MTPN: variants seen among roughly 807,000 people sequenced by gnomAD.
The protein encoded by MTPN is myotrophin.
Under a neutral mutation model 13.5 loss-of-function variants are expected in MTPN, and 2 were observed. The observed-to-expected ratio is 0.15, with a 90% confidence interval of 0.06 to 0.47. MTPN has a LOEUF of 0.47. MTPN is among the 20% of genes least tolerant of loss of function. The pLI, the probability that MTPN is intolerant of heterozygous loss-of-function variation, is 0.97. For synonymous variants in MTPN, 46 were observed against 51.7 expected (o/e 0.89, Z 0.48); for missense variants, 79 against 137.9 (o/e 0.57, Z 2.14).
At chr7:135,975,684 G>T (rs549579086) in intron 1 of MTPN, among the ~76,000 whole-genome samples, 1 of 152,152 alleles carries the variant, frequency 6.6e-6, no homozygotes, top group African/African-American at 2.4e-5. Flanking sequence ...CCCACCACTG[G>T]TAAGTGTACC....
intron 3 of MTPN, among the ~76,000 whole-genome samples, chr7:135,933,117 A>AAAAAAAAAAAC: frequency 6.6e-6 from 1 of 151,092 alleles, no homozygotes; most frequent in Non-Finnish European, 1.5e-5. Flanking sequence ...AAAAAAAAAA[A>AAAAAAAAAAAC]AAAAAGATGA....
In MTPN at chr7:135,928,865, G is replaced by A. The variant is rs568397305; in HGVS notation, c.*1061C>T. 4 of 167,182 alleles carry A rather than the reference G, an allele frequency of 2.4e-5. No individual in the cohort carries two copies. Among genetic ancestry groups the A allele is most frequent in the African/African-American group, 7.2e-5 (3 of 41,586 alleles). The allele number at this position is 167,182 out of a possible 1,614,324, so 10.4% of individuals were successfully genotyped here. The stretch of plus-strand genomic sequence containing the variant: ...AACTCTGGGAAACCTGGTTACAAGT[G>A]TATTTTTGAAGGGATGGGGCTAAAT... On this transcript the variant is annotated 3_prime_UTR_variant, in exon 4 of 4. Coordinates refer to ENST00000393085, the MANE Select transcript of MTPN (RefSeq NM_145808.4).
intron 1 of MTPN, chr7:135,960,896 G>A (rs1406115025): frequency 2.6e-5 from 4 of 151,780 alleles, no homozygotes; most frequent in African/African-American, 9.7e-5. Flanking sequence ...AAAGACATGG[G>A]CTCAATAAGT....
At chr7:135,940,268 T>C (rs954073480) in intron 3 of MTPN, among the ~76,000 whole-genome samples, 3 of 152,206 alleles carry the variant, frequency 2.0e-5, no homozygotes, top group African/African-American at 7.2e-5. Context: ...ATGGATTTGG[T>C]ATTTAGTGAC....
Position 135,956,732 on chromosome 7 carries a change from C to T in MTPN, c.73-5102G>A, listed in dbSNP as rs187834413. On this transcript the variant is annotated intron_variant, in intron 1 of 3. Coordinates refer to ENST00000393085, the MANE Select transcript of MTPN (RefSeq NM_145808.4). ...GGAAAACTTCATGTTTCTTTCTTTT[C>T]TTGACTGTGTTTTCAACCTTTCCTG... is the stretch of plus-strand genomic sequence containing the variant. Among the ~76,000 whole-genome samples the T allele has an allele frequency of 4.8e-3, 729 of 152,134 alleles. 4 individuals are homozygous for T. Among genetic ancestry groups the T allele is most frequent in the Non-Finnish European group, 6.3e-3 (430 of 68,004 alleles).
intron 2 of MTPN, among the ~76,000 whole-genome samples, 165 bp from the exon 3 acceptor site, chr7:135,950,847 A>G (rs572187026): frequency 1.3e-5 from 2 of 152,216 alleles, no homozygotes; most frequent in African/African-American, 4.8e-5. Flanking sequence ...GCTACCAGAG[A>G]CCCAAGCCCA....
chr7:135,976,953 CAGCT>C, intron 1 of MTPN, 72 bp downstream of exon 1: 2 of 1,141,416 alleles, frequency 1.8e-6, no homozygotes, highest in Non-Finnish European at 2.7e-6. Flanking sequence ...CCCCGCAGTC[CAGCT>C]CCCATCAGCT....
chr7:135,973,361 T>A (rs1480415317), intron 1 of MTPN, among the ~76,000 whole-genome samples: 2 of 151,534 alleles, frequency 1.3e-5, no homozygotes, highest in African/African-American at 2.4e-5. Flanking sequence ...TGAGGGAGAC[T>A]AAGAAGGTAG....
chr7:135,974,873 G>A (rs35093872), intron 1 of MTPN, among the ~76,000 whole-genome samples: 2,454 of 152,286 alleles, frequency 0.016, 32 homozygotes, highest in African/African-American at 0.037. Flanking sequence ...AATGGGCACC[G>A]TAAGGGAGCT....
rs1270964460 is a variant in MTPN, at chr7:135,977,354, A to G, written c.-254T>C. 1.9e-6 allele frequency: 1 copy of G among 538,798 alleles called. No individual in the cohort carries two copies. Among genetic ancestry groups the G allele is most frequent in the Non-Finnish European group, 3.4e-6 (1 of 298,406 alleles). 33.4% of individuals were successfully genotyped at this position (538,798 alleles called of 1,614,324 possible). ...TGGCCGAGGAGAGGCAGGAACCTTT[A>G]CACTTCCGGTTCACTCCCCGCTAGG... On this transcript the variant is annotated 5_prime_UTR_variant, in exon 1 of 4. Transcript: ENST00000393085.
At chr7:135,949,551 G>A (rs1208473254) in intron 3 of MTPN, among the ~76,000 whole-genome samples, 1 of 152,160 alleles carries the variant, frequency 6.6e-6, no homozygotes. Flanking sequence ...TCCAGTAATT[G>A]TGGTTAACAT....
intron 3 of MTPN, among the ~76,000 whole-genome samples, chr7:135,938,800 C>T (rs903923760): frequency 7.3e-4 from 111 of 152,182 alleles, no homozygotes; most frequent in African/African-American, 2.6e-3. Context: ...CTGAGCCCGG[C>T]TAAAGCTTAG....
At chr7:135,950,844 G>C (rs926932934) in intron 2 of MTPN, among the ~76,000 whole-genome samples, 162 bp from the exon 3 acceptor site, 2 of 152,088 alleles carry the variant, frequency 1.3e-5, no homozygotes, top group East Asian at 1.9e-4. Flanking sequence ...AAAGCTACCA[G>C]AGACCCAAGC....
At chr7:135,975,769 G>T (rs747361527) in intron 1 of MTPN, among the ~76,000 whole-genome samples, 1 of 152,186 alleles carries the variant, frequency 6.6e-6, no homozygotes, top group Non-Finnish European at 1.5e-5. Context: ...AGCTGAGAAG[G>T]CAGTGACGAG....
Position 135,977,170 on chromosome 7 carries a change from G to T in MTPN, c.-70C>A. 2.6e-6 allele frequency: 4 copies of T among 1,517,622 alleles called. No individual in the cohort carries two copies. Among genetic ancestry groups the T allele is most frequent in the Non-Finnish European group, 2.7e-6 (3 of 1,094,958 alleles). The allele number at this position is 1,517,622 out of a possible 1,614,324, so 94.0% of individuals were successfully genotyped here. On this transcript the variant is annotated 5_prime_UTR_variant, in exon 1 of 4. Coordinates refer to ENST00000393085, the MANE Select transcript of MTPN (RefSeq NM_145808.4). ...GCGGTGGCAGCAGCAAGCGGATGCCGCCGGGCGAGAGGGAGGCAGGGCCGC... is the reference window on the plus strand; with the variant it reads ...GCGGTGGCAGCAGCAAGCGGATGCCTCCGGGCGAGAGGGAGGCAGGGCCGC...
intron 1 of MTPN, among the ~76,000 whole-genome samples, chr7:135,972,050 T>C (rs1799701007): frequency 6.6e-6 from 1 of 152,240 alleles, no homozygotes; most frequent in Non-Finnish European, 1.5e-5. Context: ...ACATTTACAA[T>C]TTTTAAAATA....
chr7:135,975,353 C>T (rs374568204), intron 1 of MTPN, among the ~76,000 whole-genome samples: 1 of 152,136 alleles, frequency 6.6e-6, no homozygotes, highest in African/African-American at 2.4e-5. Flanking sequence ...AGAGATAGTG[C>T]GTGGAGCAGT....
rs138614106 is a variant in MTPN at position 135,928,356 on chromosome 7, C to T, written c.*1570G>A. ...CCCACATGCCAACCAACCAACCAAC[C>T]AGCAACTGATCAGTAAAACTTGTTA... On this transcript the variant is annotated 3_prime_UTR_variant, in exon 4 of 4. Coordinates refer to ENST00000393085, the MANE Select transcript of MTPN (RefSeq NM_145808.4). 11 of 167,094 alleles carry T rather than the reference C, an allele frequency of 6.6e-5. No individual in the cohort carries two copies. The East Asian group carries it at 2.1e-3, about 32-fold the overall frequency. 10.4% of individuals were successfully genotyped at this position (167,094 alleles called of 1,614,324 possible).
chr7:135,972,231 G>GCA (rs67168370), intron 1 of MTPN, among the ~76,000 whole-genome samples: 11,336 of 124,636 alleles, frequency 0.091, 448 homozygotes, highest in Middle Eastern at 0.2. Flanking sequence ...GCACGCGCGC[G>GCA]CACACACACA....
Sources: gnomAD v4.1 joint callset for allele counts (sites outside exome capture counted in the v4.1 genomes callset) on GRCh38, gnomAD v4.1.1 for gene constraint, MANE v1.5 for transcripts, NCBI Gene and HGNC (gene_info 2026-07-23, HGNC 2026-07-21) for gene names.